Variants in NDUFV1 observed in about 807,000 individuals in gnomAD.
NDUFV1 encodes NADH:ubiquinone oxidoreductase core subunit V1, also known as NADH dehydrogenase [ubiquinone] flavoprotein 1, mitochondrial.
NDUFV1 carries 41 observed loss-of-function variants against 48.7 expected under a neutral mutation model. The observed-to-expected ratio is 0.84, with a 90% CI of 0.66 to 1.09. The LOEUF is 1.09. Among genes scored for constraint, NDUFV1 ranks in the 50% least tolerant of loss-of-function variants. The pLI is 0.00. For missense variants in NDUFV1, 580 were observed against 645.4 expected (o/e 0.90, Z 1.10); for synonymous variants, 231 against 259.1 (o/e 0.89, Z 1.04).
chr11:67,608,848 G>T, intron 3 of NDUFV1, 126 bp downstream of exon 3: 1 of 1,294,490 alleles, frequency 7.7e-7, no homozygotes, highest in Non-Finnish European at 1.1e-6. Flanking sequence ...ATGTTCCCAG[G>T]CCTTAAATGG....
rs137916258 is a variant in NDUFV1 at position 67,608,917 on chromosome 11, A to G, written c.326+195A>G. On this transcript the variant is annotated intron_variant, in intron 3 of 9. Coordinates refer to ENST00000322776, the MANE Select transcript of NDUFV1 (RefSeq NM_007103.4). ...ACTTATGTAGCAGAATCAACACATG[A>G]TTTTGACTCAGGCAGACTTAGTTCA... Among the ~76,000 whole-genome samples, 440 of 152,276 alleles carry G rather than the reference A, an allele frequency of 2.9e-3. 3 individuals are homozygous for G. The Middle Eastern group carries it at 0.037, about 13-fold the overall frequency.
At chr11:67,608,017 A>G (rs879719732) in intron 1 of NDUFV1, among the ~76,000 whole-genome samples, 37 of 152,088 alleles carry the variant, frequency 2.4e-4, no homozygotes, top group Non-Finnish European at 5.1e-4. Context: ...GCTTGAGGTC[A>G]GGAGTTCGAG....
At chr11:67,610,699 G>C in intron 5 of NDUFV1, 129 bp downstream of exon 5, 1 of 1,316,048 alleles carries the variant, frequency 7.6e-7, no homozygotes, top group South Asian at 1.3e-5. Flanking sequence ...GAGTAGGCTG[G>C]CAACAACACA....
chr11:67,610,453 G>A lies in NDUFV1; in HGVS notation c.583G>A (p.Val195Met), dbSNP rs199988306. The change falls in exon 5 of 10, where the codon GTG (valine) becomes ATG (methionine). Residue 195 changes from valine (V) to methionine (M), a missense_variant. Coordinates refer to ENST00000322776, the MANE Select transcript of NDUFV1 (RefSeq NM_007103.4). ...NACGSGYDFD[V>M]FVVRGAGAYI... Reference sequence around the variant, plus strand: ...TTGTGGCTCTGGCTATGATTTTGACGTGTTTGTGGTGCGCGGGGCTGGGGC... The same window carrying A: ...TTGTGGCTCTGGCTATGATTTTGACATGTTTGTGGTGCGCGGGGCTGGGGC... The A allele has an allele frequency of 1.1e-4, 177 of 1,614,090 alleles. No homozygotes were observed. In the South Asian group the frequency reaches 1.6e-3, roughly 15 times the overall value.
chr11:67,609,547 G>C lies in NDUFV1; in HGVS notation c.422G>C (p.Gly141Ala). Residue 141 changes from glycine (G) to alanine (A), a missense_variant, in exon 4 of 10, where the codon GGC becomes GCC. Coordinates refer to ENST00000322776, the MANE Select transcript of NDUFV1 (RefSeq NM_007103.4). ...LRHDPHKLLE[G>A]CLVGGRAMGA... ...CATGATCCTCACAAGCTGCTGGAAG[G>C]CTGCCTGGTGGGGGGCCGGGCCATG... The C allele has an allele frequency of 1.9e-6, 3 of 1,613,300 alleles. No homozygotes were observed. Among genetic ancestry groups the C allele is most frequent in the Non-Finnish European group, 2.5e-6 (3 of 1,180,002 alleles).
chr11:67,611,205 C>CTGG lies in NDUFV1; in HGVS notation c.913_913+2dup. 6.2e-7 allele frequency: 1 copy of CTGG among 1,613,808 alleles called. No homozygotes were observed. Among genetic ancestry groups the CTGG allele is most frequent in the Non-Finnish European group, 8.5e-7 (1 of 1,179,938 alleles). ...TTGAAAGAACTGATTGAGAAGCATG[C>CTGG]TGGTAAGGCCTGGGGCCAGCCAGGT... On this transcript the variant is annotated inframe_insertion and splice_region_variant, in exon 6 of 10. Transcript: ENST00000322776. The surrounding 1 kb of genome is among the most constrained non-coding windows in gnomAD (Gnocchi z 4.2).
In NDUFV1 at chr11:67,612,353, G is replaced by GT; in HGVS notation, c.1309-18dup. On this transcript the variant is annotated intron_variant, in intron 9 of 9. Transcript: ENST00000322776. This position sits in a 1 kb window ranked among gnomAD's most constrained non-coding sequence, Gnocchi z 4.4. The stretch of plus-strand genomic sequence containing the variant: ...GGATTTTTGGACTCTGTTTCACATG[G>GT]TCCCCCCACCGACCCCAGGGTCTGA... 1 of 1,613,750 alleles carries GT rather than the reference G, an allele frequency of 6.2e-7. No individual in the cohort carries two copies. The highest frequency in any genetic ancestry group is 2.2e-5 in the East Asian group (1 of 44,842).
At chr11:67,609,712 C>T (rs1854877869) in intron 4 of NDUFV1, 77 bp downstream of exon 4, 1 of 1,525,950 alleles carries the variant, frequency 6.6e-7, no homozygotes, top group Non-Finnish European at 9.0e-7. Flanking sequence ...CACAGTTGTT[C>T]TGAGGTGTTA....
Position 67,610,331 on chromosome 11 carries a change from T to A in NDUFV1, c.511-50T>A, listed in dbSNP as rs201136840. 49 of 1,608,328 alleles carry A rather than the reference T, an allele frequency of 3.0e-5. No individual in the cohort carries two copies. The African/African-American group carries it at 6.3e-4, about 21-fold the overall frequency. On this transcript the variant is annotated intron_variant, in intron 4 of 9. Transcript: ENST00000322776. ...CTTCATGACTCCTGAAGTTATAGGC[T>A]GACTCCTGGGCTGGGGGTGGGCTGG...
At position 67,610,618 on chromosome 11, in the gene NDUFV1, G is replaced by T. The variant is rs140936568; in HGVS notation, c.700+48G>T. 186 of 1,603,978 alleles carry T rather than the reference G, an allele frequency of 1.2e-4. No homozygotes were observed. The African/African-American group carries it at 2.3e-3, about 20-fold the overall frequency. On this transcript the variant is annotated intron_variant, in intron 5 of 9. Coordinates refer to ENST00000322776, the MANE Select transcript of NDUFV1 (RefSeq NM_007103.4). ...GTCAGACTGTGTCCTGTGACACCCG[G>T]GATCTGGCTAGGCTCCCTTTGGATT...
chr11:67,607,588 A>G, intron 1 of NDUFV1: 1 of 426,648 alleles, frequency 2.3e-6, no homozygotes, highest in East Asian at 7.1e-5. Context: ...CTTTCCCATC[A>G]GTAAACACAT....
Position 67,610,375 on chromosome 11 carries a change from C to T in NDUFV1, c.511-6C>T. On this transcript the variant is annotated splice_polypyrimidine_tract_variant and splice_region_variant and intron_variant, in intron 4 of 9. Transcript: ENST00000322776. ...GGGCTGGGAAACTCACACCTTTGTC[C>T]TGCAGGTGGCCATCCGAGAGGCCTA... 6.2e-7 allele frequency: 1 copy of T among 1,614,142 alleles called. No homozygotes were observed. The highest frequency in any genetic ancestry group is 8.5e-7 in the Non-Finnish European group (1 of 1,180,002).
rs1380720435 is a variant in NDUFV1 at position 67,611,011 on chromosome 11, C to T, written c.717C>T (p.Pro239=). 1 of 1,614,228 alleles carries T rather than the reference C, an allele frequency of 6.2e-7. No individual in the cohort carries two copies. Among genetic ancestry groups the T allele is most frequent in the Admixed American group, 1.7e-5 (1 of 60,032 alleles). ...FPADVGVFGC[P]TTVANVETVA... is the part of the protein sequence containing the mutation. ...TCCCTGAAGGAGTGTTTGGCTGCCC[C>T]ACAACTGTGGCCAACGTGGAGACAG... is the stretch of plus-strand genomic sequence containing the variant. The change falls in exon 6 of 10, where the codon CCC becomes CCT. Residue 239 remains proline, a synonymous_variant. Transcript: ENST00000322776. This position sits in a 1 kb window ranked among gnomAD's most constrained non-coding sequence, Gnocchi z 4.2.
chr11:67,611,777 C>A lies in NDUFV1; in HGVS notation c.1081-120C>A. 1 of 1,446,328 alleles carries A rather than the reference C, an allele frequency of 6.9e-7. No individual in the cohort carries two copies. The highest frequency in any genetic ancestry group is 9.6e-7 in the Non-Finnish European group (1 of 1,046,148). The allele number at this position is 1,446,328 out of a possible 1,614,324, so 89.6% of individuals were successfully genotyped here. A position where few individuals can be genotyped will look rare whatever the true frequency, so the allele number is the denominator to read the frequency against. On this transcript the variant is annotated intron_variant, in intron 7 of 9. Coordinates refer to ENST00000322776, the MANE Select transcript of NDUFV1 (RefSeq NM_007103.4). The surrounding 1 kb of genome is among the most constrained non-coding windows in gnomAD (Gnocchi z 4.2). ...GGGGGCCCAGGGAGGCTGGAGGAGG[C>A]CAGAACGCTGGGTGGGCTGGGAAGA...
At position 67,611,976 on chromosome 11, in the gene NDUFV1, A is replaced by G; in HGVS notation, c.1160A>G (p.Glu387Gly). Reference sequence around the variant, plus strand: ...TGTGGCCAGTGTACCCCATGCCGTGAGGGTGAGCATCGGGCAGGTTGGGGG... The same window carrying G: ...TGTGGCCAGTGTACCCCATGCCGTGGGGGTGAGCATCGGGCAGGTTGGGGG... ...ESCGQCTPCREGVDWMNKVMA... is the reference protein window; with the variant it reads ...ESCGQCTPCRGGVDWMNKVMA... The change falls in exon 8 of 10, where the codon GAG becomes GGG. Residue 387 changes from glutamate (E) to glycine (G), a missense_variant and splice_region_variant. By Grantham distance (98) the Glu-to-Gly change is moderately conservative (BLOSUM62 -2). Coordinates refer to ENST00000322776, the MANE Select transcript of NDUFV1 (RefSeq NM_007103.4). The surrounding 1 kb of genome is among the most constrained non-coding windows in gnomAD (Gnocchi z 4.2). 1 of 1,613,840 alleles carries G rather than the reference A, an allele frequency of 6.2e-7. No homozygotes were observed. The highest frequency in any genetic ancestry group is 8.5e-7 in the Non-Finnish European group (1 of 1,179,960).
rs746932829 is a variant in NDUFV1, at chr11:67,611,491, G to T, written c.1002G>T (p.Thr334=). Residue 334 remains threonine, a synonymous_variant, in exon 7 of 10, where the codon ACG becomes ACT. Coordinates refer to ENST00000322776, the MANE Select transcript of NDUFV1 (RefSeq NM_007103.4). The surrounding 1 kb of genome is among the most constrained non-coding windows in gnomAD (Gnocchi z 4.2). ...TPLIPKSVCE[T]VLMDFDALVQ... ...TGATCCCCAAGTCTGTGTGTGAGAC[G>T]GTGCTGATGGACTTCGATGCGCTGG... 1 of 1,613,922 alleles carries T rather than the reference G, an allele frequency of 6.2e-7. No individual in the cohort carries two copies. Among genetic ancestry groups the T allele is most frequent in the East Asian group, 2.2e-5 (1 of 44,886 alleles).
At chr11:67,609,037 A>C (rs901946938) in intron 3 of NDUFV1, among the ~76,000 whole-genome samples, 1 of 152,186 alleles carries the variant, frequency 6.6e-6, no homozygotes, top group South Asian at 2.1e-4. Context: ...CAGTGATATC[A>C]TGCAAGGATT....
In NDUFV1 at chr11:67,611,994, G is replaced by A. The variant is rs1232082907; in HGVS notation, c.1162+16G>A. The A allele has an allele frequency of 1.2e-6, 2 of 1,613,768 alleles. No individual in the cohort carries two copies. Among genetic ancestry groups the A allele is most frequent in the African/African-American group, 2.7e-5 (2 of 74,864 alleles). On this transcript the variant is annotated intron_variant, in intron 8 of 9. Transcript: ENST00000322776. The surrounding 1 kb of genome is among the most constrained non-coding windows in gnomAD (Gnocchi z 4.2). Reference sequence around the variant, plus strand: ...TGCCGTGAGGGTGAGCATCGGGCAGGTTGGGGGCTTGCTTGCTGTGGCTTC... The same window carrying A: ...TGCCGTGAGGGTGAGCATCGGGCAGATTGGGGGCTTGCTTGCTGTGGCTTC...
At position 67,611,052 on chromosome 11, in the gene NDUFV1, C is replaced by T. The variant is rs1854903884; in HGVS notation, c.758C>T (p.Thr253Ile). 6.2e-7 allele frequency: 1 copy of T among 1,614,274 alleles called. No individual in the cohort carries two copies. Reference sequence around the variant, plus strand: ...GTGGAGACAGTGGCAGTGTCCCCCACAATCTGCCGCCGTGGAGGTACCTGG... The same window carrying T: ...GTGGAGACAGTGGCAGTGTCCCCCATAATCTGCCGCCGTGGAGGTACCTGG... ...ANVETVAVSP[T>I]ICRRGGTWFA... The change falls in exon 6 of 10, where the codon ACA (threonine) becomes ATA (isoleucine). Residue 253 changes from threonine (T) to isoleucine (I), a missense_variant. Coordinates refer to ENST00000322776, the MANE Select transcript of NDUFV1 (RefSeq NM_007103.4). This position sits in a 1 kb window ranked among gnomAD's most constrained non-coding sequence, Gnocchi z 4.2.
Sources: allele counts gnomAD v4.1 joint callset (sites outside exome capture counted in the v4.1 genomes callset), GRCh38; gene constraint gnomAD v4.1.1; non-coding constraint Gnocchi (gnomAD v3.1); transcripts MANE v1.5; gene names NCBI Gene and HGNC (gene_info 2026-07-23, HGNC 2026-07-21).